The following LEMD1 variants were observed in gnomAD, a reference collection of about 807,000 sequenced individuals.
The protein encoded by LEMD1 is LEM domain-containing protein 1.
Under a neutral mutation model 17.4 loss-of-function variants are expected in LEMD1, and 18 were observed. The ratio of observed to expected loss-of-function variants is 1.04; its 90% CI spans 0.72 to 1.54. The LOEUF (loss-of-function observed/expected upper bound fraction) is 1.54. Ranked by LOEUF, LEMD1 falls within the 40% of genes most tolerant of loss-of-function variation. LEMD1 has a pLI of 0.00. For missense variants in LEMD1, 195 were observed against 210.4 expected (o/e 0.93, Z 0.45); for synonymous variants, 88 against 77.8 (o/e 1.13, Z -0.69).
At chr1:205,391,105 T>C (rs1013686819) in intron 4 of LEMD1, among the ~76,000 whole-genome samples, 3 of 152,030 alleles carry the variant, frequency 2.0e-5, no homozygotes, top group Non-Finnish European at 4.4e-5. Flanking sequence ...AAAATACCGA[T>C]GTATATATGG....
At chr1:205,411,128 G>GAAAGAAAGGAAGGAAGGAA (rs1665380743) in intron 4 of LEMD1, among the ~76,000 whole-genome samples, 1 of 142,542 alleles carries the variant, frequency 7.0e-6, no homozygotes, top group Non-Finnish European at 1.5e-5. Flanking sequence ...GGGAGGGAGG[G>GAAAGAAAGGAAGGAAGGAA]AAAGAAAGGA....
chr1:205,382,721 G>T (rs779989732), intron 5 of LEMD1, among the ~76,000 whole-genome samples: 1 of 152,178 alleles, frequency 6.6e-6, no homozygotes, highest in South Asian at 2.1e-4. Flanking sequence ...CCAAGTCCTC[G>T]CTGGGAAATT....
chr1:205,400,554 C>A (rs991729839), intron 4 of LEMD1, among the ~76,000 whole-genome samples: 3 of 152,184 alleles, frequency 2.0e-5, no homozygotes, highest in Non-Finnish European at 4.4e-5. Context: ...TGAGGTTCAC[C>A]CTTGTGATGT....
At chr1:205,425,463 G>C (rs1254381175), upstream of LEMD1, among the ~76,000 whole-genome samples, 2 of 152,122 alleles carry the variant, frequency 1.3e-5, no homozygotes, top group Non-Finnish European at 2.9e-5. Context: ...ATTCACCACG[G>C]ATCATCCGCA....
intron 4 of LEMD1, among the ~76,000 whole-genome samples, chr1:205,415,835 G>A (rs945401249): frequency 6.6e-6 from 1 of 152,184 alleles, no homozygotes; most frequent in African/African-American, 2.4e-5. Context: ...CGGTGCTGGG[G>A]GTAGAAGCCA....
At chr1:205,438,753 G>C (rs1423580394) in intron 1 of LEMD1, among the ~76,000 whole-genome samples, 4 of 151,938 alleles carry the variant, frequency 2.6e-5, no homozygotes. Flanking sequence ...TTGACCTTGG[G>C]ACCCCACCCA....
chr1:205,425,353 T>C (rs1666040831), upstream of LEMD1, among the ~76,000 whole-genome samples: 1 of 152,152 alleles, frequency 6.6e-6, no homozygotes, highest in Non-Finnish European at 1.5e-5. Context: ...TCTGAGCCCA[T>C]GCCAGCTGGG....
intron 1 of LEMD1, chr1:205,436,751 A>C (rs72748915): frequency 0.13 from 19,583 of 152,160 alleles, 1,361 homozygotes; most frequent in African/African-American, 0.14. Flanking sequence ...CAGGAGGAAC[A>C]CCAGACTTCC....
At chr1:205,415,026 C>T (rs1317438395) in intron 4 of LEMD1, among the ~76,000 whole-genome samples, 5 of 152,100 alleles carry the variant, frequency 3.3e-5, no homozygotes, top group Admixed American at 6.6e-5. Context: ...AGGGAGGGGG[C>T]AGTCCAGTAA....
intron 1 of LEMD1, among the ~76,000 whole-genome samples, chr1:205,444,077 C>T (rs1666341999): frequency 6.6e-6 from 1 of 152,098 alleles, no homozygotes. Flanking sequence ...TGGACTAGCA[C>T]CTGGGTCCAC....
At chr1:205,429,281 G>C (rs1666095857) in intron 1 of LEMD1, among the ~76,000 whole-genome samples, 1 of 152,152 alleles carries the variant, frequency 6.6e-6, no homozygotes, top group Admixed American at 6.5e-5. Flanking sequence ...GGGGAGGGTG[G>C]GTATGTTGAA....
intron 4 of LEMD1, among the ~76,000 whole-genome samples, chr1:205,405,733 C>T (rs1165782313): frequency 2.0e-5 from 3 of 151,738 alleles, no homozygotes; most frequent in African/African-American, 4.9e-5. Context: ...AGCTTTGTTC[C>T]GTTGTTGGTG....
intron 1 of LEMD1, among the ~76,000 whole-genome samples, chr1:205,421,664 G>A (rs546363556): frequency 7.9e-5 from 12 of 152,278 alleles, no homozygotes; most frequent in African/African-American, 2.9e-4. Context: ...CCTAGTAAAT[G>A]TTAGTTTCCT....
intron 4 of LEMD1, among the ~76,000 whole-genome samples, chr1:205,400,678 A>G (rs1664799186): frequency 6.6e-6 from 1 of 151,548 alleles, no homozygotes; most frequent in Non-Finnish European, 1.5e-5. Flanking sequence ...TTATTATAGT[A>G]TTTTTGTCTT....
chr1:205,383,779 G>C (rs963771732), intron 5 of LEMD1, among the ~76,000 whole-genome samples: 1 of 150,688 alleles, frequency 6.6e-6, no homozygotes, highest in African/African-American at 2.4e-5. Flanking sequence ...GATTACAGGC[G>C]CATGCCACCA....
chr1:205,428,124 T>C (rs970548927), intron 1 of LEMD1, among the ~76,000 whole-genome samples: 2 of 152,242 alleles, frequency 1.3e-5, no homozygotes, highest in Admixed American at 1.3e-4. Flanking sequence ...GAAGATTTTA[T>C]GGTGGTTTTT....
intron 1 of LEMD1, chr1:205,436,188 G>C (rs1225895926): frequency 6.6e-6 from 1 of 152,230 alleles, no homozygotes; most frequent in Non-Finnish European, 1.5e-5. Context: ...AAGGGAAAGA[G>C]ACAGACCAGC....
rs112921667 is a variant in LEMD1, at chr1:205,444,333, C to G, written c.-39+5535G>C. Among the ~76,000 whole-genome samples the G allele has an allele frequency of 1.3e-3, 205 of 152,194 alleles. 2 individuals are homozygous for G. The highest frequency in any genetic ancestry group is 4.1e-3 in the African/African-American group (172 of 41,516). The stretch of plus-strand genomic sequence containing the variant: ...CCTCCTCTCTGGCTTTTTCCCAGCT[C>G]AGGTCCAAGATGGTTTACGGTCTGG... On this transcript the variant is annotated intron_variant, in intron 1 of 3. Coordinates refer to the LEMD1 transcript ENST00000367154.
intron 1 of LEMD1, among the ~76,000 whole-genome samples, chr1:205,442,690 C>T (rs1207287601): frequency 6.6e-6 from 1 of 152,124 alleles, no homozygotes; most frequent in Admixed American, 6.5e-5. Context: ...TTTAATAACC[C>T]GATTTCCAGC....
Sources: allele counts gnomAD v4.1 joint callset (sites outside exome capture counted in the v4.1 genomes callset), GRCh38; gene constraint gnomAD v4.1.1; transcripts MANE v1.5; gene names NCBI Gene and HGNC (gene_info 2026-07-23, HGNC 2026-07-21).